CFAP43: variants seen among roughly 807,000 people sequenced by gnomAD.
CFAP43 encodes cilia- and flagella-associated protein 43.
A neutral mutation model predicts 218.9 loss-of-function variants in CFAP43; 155 were observed. The observed-to-expected ratio is 0.71, with a 90% CI of 0.62 to 0.81. The LOEUF (loss-of-function observed/expected upper bound fraction) is 0.81. Among genes scored for constraint, CFAP43 ranks in the 30% least tolerant of loss-of-function variants. CFAP43 has a pLI of 0.00. For missense variants in CFAP43, 1,778 were observed against 1,954.3 expected (o/e 0.91, Z 1.70); for synonymous variants, 645 against 681.3 (o/e 0.95, Z 0.83).
chr10:104,189,920 C>A (rs2090152277), intron 12 of CFAP43, among the ~76,000 whole-genome samples: 1 of 152,138 alleles, frequency 6.6e-6, no homozygotes, highest in Non-Finnish European at 1.5e-5. Context: ...GTAATCCCAG[C>A]ACTTTGGGAG....
chr10:104,179,555 G>T (rs1000955078), intron 18 of CFAP43, among the ~76,000 whole-genome samples: 8 of 152,256 alleles, frequency 5.3e-5, no homozygotes, highest in African/African-American at 7.2e-5. Flanking sequence ...ACTCCACGGT[G>T]GAGTACTGCA....
rs757218087 is a variant in CFAP43 at position 104,130,293 on chromosome 10, G to A, written c.4844C>T (p.Thr1615Ile). ...DICNAMGSKL[T>I]CEKIVKERYE... ...CCGTTCTTTGACAATCTTTTCACAA[G>A]TCAGTTTAGACCCTATCCCAAAAAT... Residue 1615 changes from threonine to isoleucine, a missense_variant, in exon 38 of 38, where the codon ACT (threonine) becomes ATT (isoleucine). By Grantham distance (89) the Thr-to-Ile change is moderately conservative. Around this residue, in one of 3 missense-constraint regions of CFAP43, gnomAD observed 211 missense variants for 230.6 expected, o/e 0.91. Coordinates refer to ENST00000357060, the MANE Select transcript of CFAP43 (RefSeq NM_025145.7). 5.0e-6 allele frequency: 8 copies of A among 1,610,496 alleles called. No homozygotes were observed. In the South Asian group the frequency reaches 8.9e-5, roughly 18 times the overall value.
intron 24 of CFAP43, 28 bp from the exon 25 acceptor site, chr10:104,162,431 A>G (rs1317909356): frequency 6.3e-7 from 1 of 1,581,048 alleles, no homozygotes; most frequent in South Asian, 1.1e-5. Flanking sequence ...ATTTCCTGCT[A>G]TTATTCTTAC....
rs1016885802 is a variant in CFAP43 at position 104,203,720 on chromosome 10, A to G, written c.1047T>C (p.His349=). 1.2e-6 allele frequency: 2 copies of G among 1,611,924 alleles called. No homozygotes were observed. Residue 349 remains histidine, a synonymous_variant, in exon 8 of 38, where the codon CAT becomes CAC. Transcript: ENST00000357060. ...DFLEIERPVE[H]MTFSPNYTVL... ...CTGTATAATTGGGAGAAAATGTCAT[A>G]TGTTCTACAGGTCTTTCAATCTCAA...
chr10:104,180,189 C>A (rs370889694), intron 17 of CFAP43, among the ~76,000 whole-genome samples: 1 of 152,234 alleles, frequency 6.6e-6, no homozygotes, highest in South Asian at 2.1e-4. Flanking sequence ...CACTCTTTGC[C>A]TTCTTTGTTA....
chr10:104,131,386 A>G lies in CFAP43; in HGVS notation c.4776T>C (p.Asn1592=), dbSNP rs1019650839. 3.1e-5 allele frequency: 50 copies of G among 1,613,788 alleles called. No individual in the cohort carries two copies. The highest frequency in any genetic ancestry group is 4.2e-5 in the Non-Finnish European group (50 of 1,179,922). The change falls in exon 37 of 38, where the codon AAT becomes AAC. Residue 1592 remains asparagine (N), a synonymous_variant. Transcript: ENST00000357060. ...KDIANYALSC[N]LREELVAVSE... ...AGACAGCTACCAACTCTTCTCGTAG[A>G]TTGCAGCTTAGGGCATAATTTGCTA...
chr10:104,158,531 A>G (rs914767921), intron 27 of CFAP43, among the ~76,000 whole-genome samples: 1 of 152,192 alleles, frequency 6.6e-6, no homozygotes, highest in East Asian at 1.9e-4. Flanking sequence ...CTCGATTTTT[A>G]AAAAATGTCA....
chr10:104,228,466 C>T (rs1321572906), intron 2 of CFAP43, among the ~76,000 whole-genome samples: 1 of 152,184 alleles, frequency 6.6e-6, no homozygotes, highest in African/African-American at 2.4e-5. Context: ...TAAAATGACC[C>T]TCTGCCTTGC....
chr10:104,187,953 G>A (rs2090084811), intron 13 of CFAP43, among the ~76,000 whole-genome samples: 1 of 152,198 alleles, frequency 6.6e-6, no homozygotes, highest in African/African-American at 2.4e-5. Flanking sequence ...GAACTACACT[G>A]TAATCTATCT....
chr10:104,185,949 AT>A (rs758515231), intron 15 of CFAP43, 24 bp downstream of exon 15: 646 of 1,566,244 alleles, frequency 4.1e-4, no homozygotes, highest in Admixed American at 1.0e-3. Flanking sequence ...CACCCACAAT[AT>A]TTTTTTTTAA....
At position 104,212,172 on chromosome 10, in the gene CFAP43, G is replaced by A. The variant is rs765154484; in HGVS notation, c.585-15C>T. On this transcript the variant is annotated splice_polypyrimidine_tract_variant and intron_variant, in intron 4 of 37. Coordinates refer to ENST00000357060, the MANE Select transcript of CFAP43 (RefSeq NM_025145.7). ...ATTTCACCGACCTGTAGACAAAAGA[G>A]GCATCAGAACAATGAGATGAACAGA... is the stretch of plus-strand genomic sequence containing the variant. 1 of 1,609,616 alleles carries A rather than the reference G, an allele frequency of 6.2e-7. No individual in the cohort carries two copies. Among genetic ancestry groups the A allele is most frequent in the Admixed American group, 1.7e-5 (1 of 59,694 alleles).
rs2089727988 is a variant in CFAP43 at position 104,179,046 on chromosome 10, T to C, written c.2443A>G (p.Lys815Glu). 6.2e-7 allele frequency: 1 copy of C among 1,612,920 alleles called. No individual in the cohort carries two copies. Residue 815 changes from lysine (K) to glutamate (E), a missense_variant, in exon 19 of 38, where the codon AAA becomes GAA. Coordinates refer to ENST00000357060, the MANE Select transcript of CFAP43 (RefSeq NM_025145.7). ...ACACTTACAGTTTTGGAAAGTGATT[T>C]GATTCCTTGTTTTATCTCTTTCCTT... ...KKRKEIKQGI[K>E]SLSKTILNMM...
rs1323346360 is a variant in CFAP43 at position 104,232,344 on chromosome 10, C to A, written c.-98G>T. On this transcript the variant is annotated 5_prime_UTR_variant, in exon 1 of 38. Transcript: ENST00000357060. ...GCCGCGGGGCTGCGGGCCGCGACGC[C>A]GCTGCTGTGTACACCCGTATCCCGG... The A allele has an allele frequency of 4.0e-6, 5 of 1,263,800 alleles. No homozygotes were observed. Among genetic ancestry groups the A allele is most frequent in the East Asian group, 2.7e-5 (1 of 37,172 alleles). The allele number at this position is 1,263,800 out of a possible 1,614,324, so 78.3% of individuals were successfully genotyped here.
chr10:104,207,096 C>T (rs377645285), intron 6 of CFAP43, among the ~76,000 whole-genome samples: 1 of 151,982 alleles, frequency 6.6e-6, no homozygotes, highest in Non-Finnish European at 1.5e-5. Flanking sequence ...TCGCTTGAAC[C>T]CAGGAGGCGG....
intron 2 of CFAP43, among the ~76,000 whole-genome samples, chr10:104,227,707 G>A (rs372365771): frequency 6.6e-6 from 1 of 151,748 alleles, no homozygotes; most frequent in African/African-American, 2.4e-5. Flanking sequence ...ATTTTTCATG[G>A]TGTTTTTGAT....
At chr10:104,130,556 A>T (rs1259626918) in intron 37 of CFAP43, among the ~76,000 whole-genome samples, 2 of 152,212 alleles carry the variant, frequency 1.3e-5, no homozygotes, top group Non-Finnish European at 2.9e-5. Context: ...AAAAAGAATG[A>T]AATAATGTCC....
intron 12 of CFAP43, among the ~76,000 whole-genome samples, chr10:104,190,019 T>C (rs2090157004): frequency 6.6e-6 from 1 of 151,228 alleles, no homozygotes; most frequent in African/African-American, 2.4e-5. Context: ...ATACAAAAAA[T>C]TAGCCTGGCG....
chr10:104,144,921 C>T (rs559163894), intron 31 of CFAP43, among the ~76,000 whole-genome samples: 1 of 152,346 alleles, frequency 6.6e-6, no homozygotes, highest in African/African-American at 2.4e-5. Flanking sequence ...ACATGAGATA[C>T]TCTGAGGAAA....
At position 104,227,835 on chromosome 10, in the gene CFAP43, C is replaced by CTTTTTTTTTTT. The variant is rs776193577; in HGVS notation, c.320-2289_320-2279dup. Among the ~76,000 whole-genome samples the CTTTTTTTTTTT allele has an allele frequency of 9.8e-4, 57 of 58,374 alleles. 3 individuals are homozygous for CTTTTTTTTTTT. The highest frequency in any genetic ancestry group is 1.1e-3 in the Non-Finnish European group (36 of 32,780). The allele number at this position is 58,374 out of a possible 152,430, so 38.3% of individuals were successfully genotyped here. ...CTCCTCTATTCTACCATGTTTTCTA[C>CTTTTTTTTTTT]TTTTTTTTTTTTTTTTTTTTTTTTT... is the stretch of plus-strand genomic sequence containing the variant. On this transcript the variant is annotated intron_variant, in intron 2 of 37. Transcript: ENST00000357060.
Sources: gnomAD v4.1 joint callset for allele counts (sites outside exome capture counted in the v4.1 genomes callset) on GRCh38, gnomAD v4.1.1 for gene constraint, gnomAD v4.1.1 regional missense constraint, MANE v1.5 for transcripts, NCBI Gene and HGNC (gene_info 2026-07-23, HGNC 2026-07-21) for gene names.